Variants in SUSD4 observed in about 807,000 individuals in gnomAD.
SUSD4 encodes sushi domain-containing protein 4.
Under a neutral mutation model 50.5 loss-of-function variants are expected in SUSD4, and 41 were observed. That is an observed-to-expected ratio of 0.81 (90% CI 0.63 to 1.05). The LOEUF (loss-of-function observed/expected upper bound fraction) is 1.05, where lower values mean the gene tolerates loss of function less well. SUSD4 is among the 50% of genes least tolerant of loss of function. The pLI, the probability that SUSD4 is intolerant of heterozygous loss-of-function variation, is 0.00. For synonymous variants in SUSD4, 257 were observed against 257.3 expected (o/e 1.00, Z 0.01); for missense variants, 580 against 634.7 (o/e 0.91, Z 0.93).
chr1:223,258,389 C>T (rs1661849483), intron 5 of SUSD4, among the ~76,000 whole-genome samples: 1 of 152,136 alleles, frequency 6.6e-6, no homozygotes, highest in African/African-American at 2.4e-5. Flanking sequence ...TAAAAGGATA[C>T]AGAGCTGAAA....
intron 3 of SUSD4, among the ~76,000 whole-genome samples, chr1:223,269,922 G>A (rs1662787073): frequency 6.6e-6 from 1 of 152,160 alleles, no homozygotes. Flanking sequence ...AAGCCCTGAT[G>A]TGAGTGGAAG....
At chr1:223,360,158 C>T (rs767974060) in intron 2 of SUSD4, 11 of 468,578 alleles carry the variant, frequency 2.3e-5, no homozygotes, top group East Asian at 1.4e-4. Flanking sequence ...AGTGGCAGAG[C>T]CTGATTGAGT....
chr1:223,240,775 T>G (rs1660526401), intron 5 of SUSD4, among the ~76,000 whole-genome samples: 1 of 152,230 alleles, frequency 6.6e-6, no homozygotes, highest in Admixed American at 6.5e-5. Context: ...ACCCCAACAT[T>G]CCTGTCATGT....
intron 7 of SUSD4, among the ~76,000 whole-genome samples, chr1:223,223,843 G>T (rs1428489748): frequency 1.3e-5 from 2 of 152,214 alleles, no homozygotes; most frequent in Admixed American, 1.3e-4. Context: ...GAGAGAGGAG[G>T]TTTTCTTTTT....
At chr1:223,300,703 T>A (rs1300551610) in intron 2 of SUSD4, among the ~76,000 whole-genome samples, 1 of 152,054 alleles carries the variant, frequency 6.6e-6, no homozygotes, top group Non-Finnish European at 1.5e-5. Flanking sequence ...AGTGAGAGGG[T>A]CCTGGGGCTA....
rs145936552 is a variant in SUSD4 at position 223,351,785 on chromosome 1, A to C, written c.148+11493T>G. On this transcript the variant is annotated intron_variant, in intron 2 of 8. Coordinates refer to ENST00000366878, the MANE Select transcript of SUSD4 (RefSeq NM_017982.4). ...TGTGGCCATCTCACTCTTCAACCTT[A>C]TGAAAGTGTGTGTATCTTAATCCAG... 1.6e-4 allele frequency among the ~76,000 whole-genome samples: 25 copies of C among 152,240 alleles called. No homozygotes were observed. In the East Asian group the frequency reaches 4.6e-3, roughly 28 times the overall value.
intron 2 of SUSD4, among the ~76,000 whole-genome samples, chr1:223,313,056 T>C (rs1049419278): frequency 6.6e-6 from 1 of 152,228 alleles, no homozygotes; most frequent in Non-Finnish European, 1.5e-5. Context: ...AATTTCCTTA[T>C]AGAAGTATCT....
At chr1:223,352,374 G>A (rs1668415249) in intron 2 of SUSD4, among the ~76,000 whole-genome samples, 1 of 152,200 alleles carries the variant, frequency 6.6e-6, no homozygotes, top group Admixed American at 6.5e-5. Context: ...CCACTCTCGA[G>A]GGGATAGATA....
intron 2 of SUSD4, among the ~76,000 whole-genome samples, 155 bp from the exon 3 acceptor site, chr1:223,292,806 A>C (rs928269845): frequency 1.3e-5 from 2 of 151,984 alleles, no homozygotes; most frequent in Non-Finnish European, 2.9e-5. Context: ...TGCACATTCT[A>C]CTCTGCTTTT....
At chr1:223,298,903 C>T (rs1158066002) in intron 2 of SUSD4, among the ~76,000 whole-genome samples, 2 of 152,168 alleles carry the variant, frequency 1.3e-5, no homozygotes, top group African/African-American at 4.8e-5. Flanking sequence ...GTTTATGTTC[C>T]GGTGACAGCA....
At chr1:223,269,351 C>T (rs1235018115) in intron 3 of SUSD4, among the ~76,000 whole-genome samples, 5 of 152,174 alleles carry the variant, frequency 3.3e-5, no homozygotes, top group African/African-American at 9.7e-5. Context: ...AGAGGCAAGG[C>T]TGGGGGCTGG....
chr1:223,306,660 T>G (rs1041987537), intron 2 of SUSD4, among the ~76,000 whole-genome samples: 1 of 152,042 alleles, frequency 6.6e-6, no homozygotes, highest in Non-Finnish European at 1.5e-5. Flanking sequence ...CCTGGATAAT[T>G]TTTTATGTTT....
intron 5 of SUSD4, among the ~76,000 whole-genome samples, chr1:223,256,904 G>T (rs1396293299): frequency 6.6e-6 from 1 of 152,148 alleles, no homozygotes; most frequent in Non-Finnish European, 1.5e-5. Flanking sequence ...GAGTGACCTT[G>T]GGGAAGGAGC....
intron 5 of SUSD4, among the ~76,000 whole-genome samples, chr1:223,235,719 A>G (rs1047773907): frequency 3.3e-5 from 5 of 152,216 alleles, no homozygotes; most frequent in Non-Finnish European, 7.3e-5. Flanking sequence ...GTGTTAAATA[A>G]TATTCCATTG....
chr1:223,359,536 T>A (rs2102600001), intron 2 of SUSD4, among the ~76,000 whole-genome samples: 1 of 152,348 alleles, frequency 6.6e-6, no homozygotes, highest in Non-Finnish European at 1.5e-5. Context: ...TGCACTTTTG[T>A]AAAAAGTAAC....
chr1:223,262,504 T>C (rs563422474), intron 5 of SUSD4, among the ~76,000 whole-genome samples: 2 of 152,210 alleles, frequency 1.3e-5, no homozygotes, highest in Non-Finnish European at 2.9e-5. Context: ...TAAGGCACCA[T>C]CTTTTAAAAA....
rs898530910 is a variant in SUSD4, at chr1:223,356,163, T to C, written c.148+7115A>G. ...GCTATTTGAGCAACTCAATTATTTC[T>C]ATTTTTTTTTTTTCTTGAGTGGATA... On this transcript the variant is annotated intron_variant, in intron 2 of 8. Coordinates refer to ENST00000366878, the MANE Select transcript of SUSD4 (RefSeq NM_017982.4). Among the ~76,000 whole-genome samples, 21 of 139,322 alleles carry C rather than the reference T, an allele frequency of 1.5e-4. No homozygotes were observed. In the Middle Eastern group the frequency reaches 0.012, roughly 77 times the overall value. 91.4% of individuals were successfully genotyped at this position (139,322 alleles called of 152,430 possible). A position where few individuals can be genotyped will look rare whatever the true frequency, so the allele number is the denominator to read the frequency against.
In SUSD4 at chr1:223,231,830, G is replaced by A. The variant is rs1659918829; in HGVS notation, c.725-2442C>T. On this transcript the variant is annotated intron_variant, in intron 5 of 8. Transcript: ENST00000366878. This position sits in a 1 kb window ranked among gnomAD's most constrained non-coding sequence, Gnocchi z 4.2. ...GCCTGGGGGCCCCCTTCCCTGCACTGCTGGAGCATTCCCCAGCGCTGTTGT... is the reference window on the plus strand; with the variant it reads ...GCCTGGGGGCCCCCTTCCCTGCACTACTGGAGCATTCCCCAGCGCTGTTGT... Among the ~76,000 whole-genome samples the A allele has an allele frequency of 6.6e-6, 1 of 152,204 alleles. No individual in the cohort carries two copies. The highest frequency in any genetic ancestry group is 1.5e-5 in the Non-Finnish European group (1 of 68,030).
rs756692002 is a variant in SUSD4 at position 223,268,538 on chromosome 1, C to T, written c.499G>A (p.Asp167Asn). 39 of 1,613,964 alleles carry T rather than the reference C, an allele frequency of 2.4e-5. No individual in the cohort carries two copies. The highest frequency in any genetic ancestry group is 2.3e-4 in the African/African-American group (17 of 75,036). ...GGCAGATTATTCCACGTTCCATCAT[C>T]GCGACATAATGAAACCATATTGTGT... ...DLHNMVSLCR[D>N]DGTWNNLPIC... The change falls in exon 4 of 9, where the codon GAT becomes AAT. Residue 167 changes from aspartate to asparagine, a missense_variant. Physicochemically the swap from Asp to Asn is conservative, Grantham distance 23 (BLOSUM62 1). Transcript: ENST00000366878.
Sources: allele counts gnomAD v4.1 joint callset (sites outside exome capture counted in the v4.1 genomes callset), GRCh38; gene constraint gnomAD v4.1.1; non-coding constraint Gnocchi (gnomAD v3.1); transcripts MANE v1.5; gene names NCBI Gene and HGNC (gene_info 2026-07-23, HGNC 2026-07-21).